DRC3: variants seen among roughly 807,000 people sequenced by gnomAD.
DRC3 encodes dynein regulatory complex subunit 3.
In DRC3, 45 loss-of-function variants were observed where a neutral mutation model predicts 57.6. That is an observed-to-expected ratio of 0.78 (90% CI 0.62 to 1.00). The LOEUF is 1.00. DRC3 is among the 50% of genes least tolerant of loss of function. The pLI is 0.00. For synonymous variants in DRC3, 257 were observed against 272.3 expected (o/e 0.94, Z 0.55); for missense variants, 655 against 675.2 (o/e 0.97, Z 0.33).
intron 9 of DRC3, among the ~76,000 whole-genome samples, chr17:18,000,550 C>T (rs1369460585): frequency 6.6e-6 from 1 of 152,126 alleles, no homozygotes; most frequent in Non-Finnish European, 1.5e-5. Flanking sequence ...TTTTTCCCAA[C>T]CTTTTGCTCT....
chr17:18,006,991 C>T (rs1441507940), intron 11 of DRC3, 33 bp from the exon 12 acceptor site: 2 of 1,611,244 alleles, frequency 1.2e-6, no homozygotes, highest in Non-Finnish European at 1.7e-6. Flanking sequence ...CGGGCCTGCT[C>T]CTCCCGGGCC....
At chr17:17,993,445 CA>C (rs2043320104) in intron 6 of DRC3, 1 of 152,398 alleles carries the variant, frequency 6.6e-6, no homozygotes, top group Non-Finnish European at 1.5e-5. Flanking sequence ...AAGAAGATGC[CA>C]TTGCACTCCA....
At position 17,997,599 on chromosome 17, in the gene DRC3, C is replaced by T. The variant is rs529789455; in HGVS notation, c.964C>T (p.Arg322Cys). ...AIQENQEQGKRKIAKFEEKHL... is the reference protein window; with the variant it reads ...AIQENQEQGKCKIAKFEEKHL... ...CCAGGAAAACCAGGAGCAGGGCAAA[C>T]GCAAGATTGCCAAATTCGAGGAGAA... Residue 322 changes from arginine (R) to cysteine (C), a missense_variant, in exon 9 of 14, where the codon CGC (arginine) becomes TGC (cysteine). Transcript: ENST00000399187. 110 of 1,610,208 alleles carry T rather than the reference C, an allele frequency of 6.8e-5. No individual in the cohort carries two copies. In the East Asian group the frequency reaches 9.8e-4, roughly 14 times the overall value.
chr17:18,005,869 A>AGG, intron 10 of DRC3: 1 of 342,720 alleles, frequency 2.9e-6, no homozygotes, highest in Admixed American at 4.0e-5. Context: ...CCCAAAGGAG[A>AGG]GGGGGTTGGC....
intron 9 of DRC3, among the ~76,000 whole-genome samples, chr17:18,003,189 A>G (rs1328583450): frequency 6.6e-6 from 1 of 152,188 alleles, no homozygotes; most frequent in African/African-American, 2.4e-5. Flanking sequence ...CTCTGATGAT[A>G]AGAATGGCTT....
intron 3 of DRC3, among the ~76,000 whole-genome samples, chr17:17,979,436 G>GCTTGT (rs1381466119): frequency 2.0e-5 from 3 of 152,334 alleles, no homozygotes; most frequent in African/African-American, 7.2e-5. Flanking sequence ...CTAGTAAGAT[G>GCTTGT]GCCACTGCTG....
chr17:17,982,095 C>A (rs1006151686), intron 3 of DRC3, among the ~76,000 whole-genome samples: 4 of 151,806 alleles, frequency 2.6e-5, no homozygotes, highest in African/African-American at 9.7e-5. Context: ...TGGGTTCAAG[C>A]GATTCTCCTG....
chr17:17,993,062 C>CT (rs2043302637), intron 6 of DRC3, 151 bp downstream of exon 6: 6 of 777,518 alleles, frequency 7.7e-6, no homozygotes, highest in African/African-American at 1.7e-5. Context: ...TTACCTGACT[C>CT]TGTCAGAGTG....
chr17:17,977,497 A>G (rs1403480218), intron 2 of DRC3, 85 bp from the exon 3 acceptor site: 12 of 1,502,830 alleles, frequency 8.0e-6, no homozygotes, highest in African/African-American at 1.4e-5. Flanking sequence ...TGGCCACAAG[A>G]CACTACAGGG....
rs551341826 is a variant in DRC3, at chr17:18,008,667, C to T, written c.1326+1520C>T. On this transcript the variant is annotated intron_variant, in intron 12 of 13. Coordinates refer to ENST00000399187, the MANE Select transcript of DRC3 (RefSeq NM_031294.4). The surrounding 1 kb of genome is among the most constrained non-coding windows in gnomAD (Gnocchi z 4.3). ...ACATAGCAGTGTGGTGATAGGGTCA[C>T]CGTGACACCAGCCTTCCCTCCCTAA... Among the ~76,000 whole-genome samples, 5 of 152,340 alleles carry T rather than the reference C, an allele frequency of 3.3e-5. No homozygotes were observed. In the East Asian group the frequency reaches 9.6e-4, roughly 29 times the overall value.
intron 11 of DRC3, 35 bp downstream of exon 11, chr17:18,006,288 G>T (rs1158349038): frequency 6.7e-7 from 1 of 1,490,038 alleles, no homozygotes; most frequent in Admixed American, 1.7e-5. Flanking sequence ...CCATGGGGAG[G>T]TGCTACAGAG....
intron 9 of DRC3, among the ~76,000 whole-genome samples, chr17:18,002,653 C>T (rs8077701): frequency 1.1e-4 from 17 of 152,250 alleles, no homozygotes; most frequent in African/African-American, 1.7e-4. Flanking sequence ...TAGGAGACTC[C>T]GGTAGCCGAG....
intron 2 of DRC3, among the ~76,000 whole-genome samples, chr17:17,974,450 C>T (rs1290095163): frequency 5.3e-5 from 8 of 152,224 alleles, no homozygotes; most frequent in African/African-American, 1.9e-4. Context: ...CGGCTCACCG[C>T]AACCTCCGCC....
At chr17:17,977,977 C>T in intron 3 of DRC3, 1 of 461,408 alleles carries the variant, frequency 2.2e-6, no homozygotes, top group Non-Finnish European at 3.8e-6. Flanking sequence ...GCTCCGGATT[C>T]TGAATAAGAA....
At chr17:17,990,277 G>A (rs2043166695) in intron 5 of DRC3, among the ~76,000 whole-genome samples, 4 of 152,226 alleles carry the variant, frequency 2.6e-5, no homozygotes, top group South Asian at 2.1e-4. Context: ...TAGCAGTTCC[G>A]TTGGGTCAAG....
intron 12 of DRC3, among the ~76,000 whole-genome samples, chr17:18,009,577 A>ACCT (rs1367969558): frequency 5.3e-5 from 8 of 152,362 alleles, no homozygotes; most frequent in African/African-American, 1.9e-4. Context: ...ACTGAGGCAC[A>ACCT]GAGATGAAGG....
Position 17,994,413 on chromosome 17 carries a change from C to G in DRC3, c.706C>G (p.His236Asp). ...GGCGCAGCGGGAGGAGCTAGAGAAG[C>G]ACAAGGTACCGTTCCGGCAGGCTGC... is the stretch of plus-strand genomic sequence containing the variant. ...EQAQREELEK[H>D]KTAFVEHLNG... Residue 236 changes from histidine (H) to aspartate (D), a missense_variant, in exon 7 of 14, where the codon CAC (histidine) becomes GAC (aspartate). By Grantham distance (81) the His-to-Asp change is moderately conservative. Transcript: ENST00000399187. The G allele has an allele frequency of 1.3e-6, 2 of 1,552,112 alleles. No individual in the cohort carries two copies. The highest frequency in any genetic ancestry group is 1.7e-6 in the Non-Finnish European group (2 of 1,147,496).
In DRC3 at chr17:17,987,605, G is replaced by C. The variant is rs997157308; in HGVS notation, c.278-327G>C. ...GGGACACTCCACCGCTGTCTACCCCGACCCCCAAGGGCACTGCTTCAGACC... is the reference window on the plus strand; with the variant it reads ...GGGACACTCCACCGCTGTCTACCCCCACCCCCAAGGGCACTGCTTCAGACC... On this transcript the variant is annotated intron_variant, in intron 4 of 13. Coordinates refer to ENST00000399187, the MANE Select transcript of DRC3 (RefSeq NM_031294.4). Among the ~76,000 whole-genome samples, 3 of 152,268 alleles carry C rather than the reference G, an allele frequency of 2.0e-5. No homozygotes were observed. In the East Asian group the frequency reaches 5.8e-4, roughly 29 times the overall value.
At position 18,008,529 on chromosome 17, in the gene DRC3, G is replaced by A. The variant is rs1210646551; in HGVS notation, c.1326+1382G>A. ...TCATCTGCAGAATGAGTGTGAGAGC[G>A]TATGCTCACCAAGCCTCCACTCTGC... On this transcript the variant is annotated intron_variant, in intron 12 of 13. Transcript: ENST00000399187. The surrounding 1 kb of genome is among the most constrained non-coding windows in gnomAD (Gnocchi z 4.3). Among the ~76,000 whole-genome samples, 6 of 152,180 alleles carry A rather than the reference G, an allele frequency of 3.9e-5. No homozygotes were observed. Among genetic ancestry groups the A allele is most frequent in the African/African-American group, 9.7e-5 (4 of 41,440 alleles).
Sources: allele counts gnomAD v4.1 joint callset (sites outside exome capture counted in the v4.1 genomes callset), GRCh38; gene constraint gnomAD v4.1.1; non-coding constraint Gnocchi (gnomAD v3.1); transcripts MANE v1.5; gene names NCBI Gene and HGNC (gene_info 2026-07-23, HGNC 2026-07-21).